SMARCB1: variants seen among roughly 807,000 people sequenced by gnomAD.
The protein encoded by SMARCB1 is SWI/SNF related BAF chromatin remodeling complex subunit B1.
Under a neutral mutation model 49.0 loss-of-function variants are expected in SMARCB1, and 5 were observed. The observed-to-expected ratio is 0.10, with a 90% confidence interval of 0.05 to 0.21. The LOEUF is 0.21. Ranked by LOEUF, SMARCB1 falls within the 10% of genes least tolerant of loss-of-function variation. The probability of loss-of-function intolerance (pLI) is 1.00; values close to 1 mark genes in which losing one functional copy is unlikely to be tolerated. For missense variants in SMARCB1, 226 were observed against 509.2 expected (o/e 0.44, Z 5.35); for synonymous variants, 201 against 200.1 (o/e 1.00, Z -0.04).
chr22:23,787,185 C>T lies in SMARCB1; in HGVS notation c.16C>T (p.Leu6=). MMMMA[L]SKTFGQKPVK... ...TGCCGCCGCAATGATGATGATGGCG[C>T]TGAGCAAGACCTTCGGGCAGAAGCC... is the stretch of plus-strand genomic sequence containing the variant. The change falls in exon 1 of 9, where the codon CTG becomes TTG. Residue 6 remains leucine (L), a synonymous_variant. Transcript: ENST00000644036. 1 of 1,608,116 alleles carries T rather than the reference C, an allele frequency of 6.2e-7. No individual in the cohort carries two copies.
At chr22:23,820,431 G>A (rs149889098) in intron 6 of SMARCB1, among the ~76,000 whole-genome samples, 18,867 of 152,102 alleles carry the variant, frequency 0.12, 1,257 homozygotes, top group South Asian at 0.27. Context: ...AAAATTAGCC[G>A]GGTATGGTGG....
At position 23,822,093 on chromosome 22, in the gene SMARCB1, G is replaced by C. The variant is rs151176975; in HGVS notation, c.796-3132G>C. On this transcript the variant is annotated intron_variant, in intron 6 of 8. Coordinates refer to ENST00000644036, the MANE Select transcript of SMARCB1 (RefSeq NM_003073.5). ...GAATCTTTGGAGCCATGGCACATGA[G>C]GACCATCTCTCTCCTCAGAAAGAGT... Among the ~76,000 whole-genome samples the C allele has an allele frequency of 5.9e-4, 90 of 152,330 alleles. No homozygotes were observed. The East Asian group carries it at 0.016, about 28-fold the overall frequency.
intron 6 of SMARCB1, chr22:23,817,232 A>C: frequency 1.9e-6 from 1 of 531,818 alleles, no homozygotes; most frequent in Non-Finnish European, 3.4e-6. Flanking sequence ...TGGCTGGGCC[A>C]GGCTGAGTGC....
In SMARCB1 at chr22:23,837,092, T is replaced by C; in HGVS notation, c.*2912T>C. On this transcript the variant is annotated 3_prime_UTR_variant, in exon 9 of 9. Coordinates refer to ENST00000644036, the MANE Select transcript of SMARCB1 (RefSeq NM_003073.5). The stretch of plus-strand genomic sequence containing the variant: ...AAGCCAGGGGTCTGCAGGAGCCTCT[T>C]GCCTCCAGGCTGGTTGGGGAAGACG... The C allele has an allele frequency of 6.2e-7, 1 of 1,613,972 alleles. No individual in the cohort carries two copies. The highest frequency in any genetic ancestry group is 8.5e-7 in the Non-Finnish European group (1 of 1,179,920).
At chr22:23,819,405 A>G (rs957092872) in intron 6 of SMARCB1, among the ~76,000 whole-genome samples, 3 of 152,018 alleles carry the variant, frequency 2.0e-5, no homozygotes, top group Non-Finnish European at 2.9e-5. Flanking sequence ...ATCTTGGCTC[A>G]TGGCACTCCT....
chr22:23,837,945 C>T lies in SMARCB1; in HGVS notation c.*3765C>T. 1 of 1,342,492 alleles carries T rather than the reference C, an allele frequency of 7.4e-7. No individual in the cohort carries two copies. The highest frequency in any genetic ancestry group is 1.0e-6 in the Non-Finnish European group (1 of 990,990). The allele number at this position is 1,342,492 out of a possible 1,614,324, so 83.2% of individuals were successfully genotyped here. A position where few individuals can be genotyped will look rare whatever the true frequency, so the allele number is the denominator to read the frequency against. ...AAGACCCTGGAATTCTTCCCCTCAT[C>T]TCCCCTATGTGCTATTCCCTCATCA... On this transcript the variant is annotated 3_prime_UTR_variant, in exon 9 of 9. Coordinates refer to ENST00000644036, the MANE Select transcript of SMARCB1 (RefSeq NM_003073.5).
At chr22:23,796,305 G>A (rs527874572) in intron 3 of SMARCB1, among the ~76,000 whole-genome samples, 1 of 152,280 alleles carries the variant, frequency 6.6e-6, no homozygotes, top group African/African-American at 2.4e-5. Flanking sequence ...GAAAGGCTAG[G>A]TTAGTGACGG....
intron 5 of SMARCB1, among the ~76,000 whole-genome samples, chr22:23,810,903 G>A (rs931976741): frequency 2.0e-5 from 3 of 152,146 alleles, no homozygotes; most frequent in African/African-American, 4.8e-5. Context: ...GGTGGCGGGC[G>A]CCTGTAATCC....
At chr22:23,798,865 A>T (rs1336286930) in intron 3 of SMARCB1, among the ~76,000 whole-genome samples, 1 of 152,088 alleles carries the variant, frequency 6.6e-6, no homozygotes, top group Non-Finnish European at 1.5e-5. Flanking sequence ...CCTGGCTAAC[A>T]GGGTGAAACC....
chr22:23,820,577 G>GTCAA (rs1253531967), intron 6 of SMARCB1, among the ~76,000 whole-genome samples: 3 of 152,214 alleles, frequency 2.0e-5, no homozygotes, highest in Non-Finnish European at 2.9e-5. Flanking sequence ...GACTCAGTCA[G>GTCAA]TCAATCAGTG....
At chr22:23,825,507 C>A (rs2030336906) in intron 7 of SMARCB1, 92 bp downstream of exon 7, 2 of 1,111,052 alleles carry the variant, frequency 1.8e-6, no homozygotes, top group Non-Finnish European at 1.3e-6. Context: ...ACCTTTGAGG[C>A]TTTCTCACGC....
Position 23,837,631 on chromosome 22 carries a change from G to A in SMARCB1, c.*3451G>A, listed in dbSNP as rs1460700565. 1 of 1,602,550 alleles carries A rather than the reference G, an allele frequency of 6.2e-7. No homozygotes were observed. The highest frequency in any genetic ancestry group is 1.1e-5 in the South Asian group (1 of 89,954). ...GTCCTGAGGGGAGTGGCCAGCCTGG[G>A]GCGGACTAGATGTACCGGGAGGCTC... On this transcript the variant is annotated 3_prime_UTR_variant, in exon 9 of 9. Transcript: ENST00000644036.
rs2146045175 is a variant in SMARCB1 at position 23,834,166 on chromosome 22, G to A, written c.1144G>A (p.Ala382Thr). 4 of 1,593,134 alleles carry A rather than the reference G, an allele frequency of 2.5e-6. No homozygotes were observed. Among genetic ancestry groups the A allele is most frequent in the Non-Finnish European group, 3.4e-6 (4 of 1,170,178 alleles). Residue 382 changes from alanine (A) to threonine (T), a missense_variant, in exon 9 of 9, where the codon GCC becomes ACC. Around this residue, in one of 6 missense-constraint regions of SMARCB1, gnomAD observed 15 missense variants for 17.0 expected, o/e 0.88. Coordinates refer to ENST00000644036, the MANE Select transcript of SMARCB1 (RefSeq NM_003073.5). ...GCGGATGAGGCGTCTTGCCAACACGGCCCCGGCCTGGTAACCAGCCCATCA... is the reference window on the plus strand; with the variant it reads ...GCGGATGAGGCGTCTTGCCAACACGACCCCGGCCTGGTAACCAGCCCATCA... Reference protein sequence around the residue: ...TRRMRRLANTAPAW With the variant: ...TRRMRRLANTTPAW
At chr22:23,825,718 T>G (rs1183433941) in intron 7 of SMARCB1, 1 of 459,536 alleles carries the variant, frequency 2.2e-6, no homozygotes, top group Non-Finnish European at 4.0e-6. Flanking sequence ...CACCATTCAG[T>G]TGTCCTGCCC....
intron 6 of SMARCB1, among the ~76,000 whole-genome samples, chr22:23,820,791 C>T (rs1358331158): frequency 6.6e-6 from 1 of 152,144 alleles, no homozygotes; most frequent in Admixed American, 6.5e-5. Flanking sequence ...TGGCAGCAAG[C>T]ACCTGGCCTG....
chr22:23,821,465 G>A (rs1351344671), intron 6 of SMARCB1, among the ~76,000 whole-genome samples: 1 of 152,038 alleles, frequency 6.6e-6, no homozygotes, highest in Non-Finnish European at 1.5e-5. Context: ...GACCTCCTGG[G>A]TTCAAGTTAT....
rs1433752514 is a variant in SMARCB1, at chr22:23,787,006, C to G, written c.-164C>G. ...CTGAGGGCGGCCTGGTCGTCGTCTG[C>G]GGCGGCGGCGGCGGCTGAGGAGCCC... On this transcript the variant is annotated 5_prime_UTR_variant, in exon 1 of 9. Coordinates refer to ENST00000644036, the MANE Select transcript of SMARCB1 (RefSeq NM_003073.5). 5 of 448,480 alleles carry G rather than the reference C, an allele frequency of 1.1e-5. No homozygotes were observed. In the South Asian group the frequency reaches 1.6e-4, roughly 14 times the overall value. 27.8% of individuals were successfully genotyped at this position (448,480 alleles called of 1,614,324 possible).
chr22:23,835,416 G>A lies in SMARCB1; in HGVS notation c.*1236G>A. ...CAGGGCAGGGCTAGGGTCAGAGGCT[G>A]CTGTGCTCCCTGGAAGTGGGGTAGG... On this transcript the variant is annotated 3_prime_UTR_variant, in exon 9 of 9. Coordinates refer to ENST00000644036, the MANE Select transcript of SMARCB1 (RefSeq NM_003073.5). 2 of 987,338 alleles carry A rather than the reference G, an allele frequency of 2.0e-6. No homozygotes were observed. Among genetic ancestry groups the A allele is most frequent in the Non-Finnish European group, 2.4e-6 (2 of 831,338 alleles). 61.2% of individuals were successfully genotyped at this position (987,338 alleles called of 1,614,324 possible).
At chr22:23,820,536 T>G (rs1367199905) in intron 6 of SMARCB1, among the ~76,000 whole-genome samples, 1 of 152,238 alleles carries the variant, frequency 6.6e-6, no homozygotes, top group Non-Finnish European at 1.5e-5. Flanking sequence ...ATGGTGCCAC[T>G]GCAGTCCAGC....
Sources: allele counts gnomAD v4.1 joint callset (sites outside exome capture counted in the v4.1 genomes callset), GRCh38; gene constraint gnomAD v4.1.1; regional missense constraint gnomAD v4.1.1; transcripts MANE v1.5; gene names NCBI Gene and HGNC (gene_info 2026-07-23, HGNC 2026-07-21).